The following GRK3 variants were observed in gnomAD, a reference collection of about 807,000 sequenced individuals.
GRK3 encodes adrenergic, beta, receptor kinase 2.
GRK3 carries 54 observed loss-of-function variants against 95.7 expected under a neutral mutation model. That is an observed-to-expected ratio of 0.56 (90% confidence interval 0.45 to 0.71). The LOEUF is 0.71. Among genes scored for constraint, GRK3 ranks in the 30% least tolerant of loss-of-function variants. The pLI is 0.00. For synonymous variants in GRK3, 281 were observed against 290.8 expected, an observed-to-expected ratio of 0.97 and a Z score of 0.34; for missense variants, 649 against 851.2, an observed-to-expected ratio of 0.76 and a Z score of 2.96.
Position 25,723,479 on chromosome 22 carries a change from C to T in GRK3, c.*1029C>T, listed in dbSNP as rs969280250. The stretch of plus-strand genomic sequence containing the variant: ...TAACTGTGTATATTGACTTTCATGT[C>T]GTCATGCATCTGTCATGAATGAATG... On this transcript the variant is annotated 3_prime_UTR_variant, in exon 21 of 21. Transcript: ENST00000324198. 9.9e-5 allele frequency: 15 copies of T among 152,158 alleles called. No individual in the cohort carries two copies. The highest frequency in any genetic ancestry group is 4.6e-4 in the Admixed American group (7 of 15,276). The allele number at this position is 152,158 out of a possible 1,614,324, so 9.4% of individuals were successfully genotyped here. A position where few individuals can be genotyped will look rare whatever the true frequency, so the allele number is the denominator to read the frequency against.
At chr22:25,609,361 T>C (rs2084477743) in intron 2 of GRK3, among the ~76,000 whole-genome samples, 1 of 152,130 alleles carries the variant, frequency 6.6e-6, no homozygotes, top group African/African-American at 2.4e-5. Flanking sequence ...TAAGACAGTC[T>C]TGCCCTGTTG....
intron 2 of GRK3, among the ~76,000 whole-genome samples, chr22:25,607,604 T>C (rs551799068): frequency 1.7e-4 from 26 of 152,062 alleles, no homozygotes; most frequent in African/African-American, 5.8e-4. Context: ...TGGGACAGAG[T>C]CTTGCTCTGT....
Position 25,727,241 on chromosome 22 carries a change from G to A in GRK3, c.*4791G>A, listed in dbSNP as rs764634781. ...TTTTCCCTCCTATGTAAAGTTTACTGGAGAGACTTGAATTACTTAAATTCA... is the reference window on the plus strand; with the variant it reads ...TTTTCCCTCCTATGTAAAGTTTACTAGAGAGACTTGAATTACTTAAATTCA... On this transcript the variant is annotated 3_prime_UTR_variant, in exon 21 of 21. Transcript: ENST00000324198. 6.6e-6 allele frequency: 1 copy of A among 152,120 alleles called. No individual in the cohort carries two copies. Among genetic ancestry groups the A allele is most frequent in the South Asian group, 2.1e-4 (1 of 4,812 alleles). 9.4% of individuals were successfully genotyped at this position (152,120 alleles called of 1,614,324 possible). A position where few individuals can be genotyped will look rare whatever the true frequency, so the allele number is the denominator to read the frequency against.
At chr22:25,670,894 A>C (rs1442846304) in intron 6 of GRK3, among the ~76,000 whole-genome samples, 1 of 149,722 alleles carries the variant, frequency 6.7e-6, no homozygotes, top group Non-Finnish European at 1.5e-5. Context: ...AAAAAAAAAA[A>C]AAAAAAAAAA....
At position 25,721,311 on chromosome 22, in the gene GRK3, C is replaced by A. The variant is rs373371487; in HGVS notation, c.1819C>A (p.Leu607Ile). The change falls in exon 20 of 21, where the codon CTC becomes ATC. Residue 607 changes from leucine to isoleucine, a missense_variant. By Grantham distance (5) the Leu-to-Ile change is conservative. This residue lies in a region of GRK3 where 382 missense variants were observed against 493.8 expected (regional missense o/e 0.77). Coordinates refer to ENST00000324198, the MANE Select transcript of GRK3 (RefSeq NM_005160.4). Reference protein sequence around the residue: ...RQNLLTMEQILSVEETQIKDK... With the variant: ...RQNLLTMEQIISVEETQIKDK... ...AAATTTACTGACAATGGAACAGATT[C>A]TCTCTGTGGAAGAAACTCAAATTAA... The A allele has an allele frequency of 1.3e-6, 2 of 1,595,434 alleles. No homozygotes were observed. The highest frequency in any genetic ancestry group is 1.7e-6 in the Non-Finnish European group (2 of 1,169,450).
At chr22:25,669,398 C>T (rs1333341677) in intron 6 of GRK3, among the ~76,000 whole-genome samples, 1 of 152,210 alleles carries the variant, frequency 6.6e-6, no homozygotes, top group African/African-American at 2.4e-5. Flanking sequence ...GCGCCTCATT[C>T]AGGCAGTGAA....
intron 1 of GRK3, among the ~76,000 whole-genome samples, chr22:25,576,317 T>A (rs1312307537): frequency 6.6e-6 from 1 of 152,190 alleles, no homozygotes; most frequent in Non-Finnish European, 1.5e-5. Flanking sequence ...TTACGCTGGA[T>A]GTCCAGTACC....
rs2085461869 is a variant in GRK3 at position 25,724,838 on chromosome 22, G to C, written c.*2388G>C. 6.6e-6 allele frequency: 1 copy of C among 152,088 alleles called. No homozygotes were observed. Among genetic ancestry groups the C allele is most frequent in the East Asian group, 1.9e-4 (1 of 5,190 alleles). 9.4% of individuals were successfully genotyped at this position (152,088 alleles called of 1,614,324 possible). A position where few individuals can be genotyped will look rare whatever the true frequency, so the allele number is the denominator to read the frequency against. On this transcript the variant is annotated 3_prime_UTR_variant, in exon 21 of 21. Transcript: ENST00000324198. ...AAAGTCAGTTGGATTAAACATCATG[G>C]TATACTTGGCTGTTGTTTTTTTTTA...
chr22:25,688,050 C>G lies in GRK3; in HGVS notation c.957+383C>G, dbSNP rs185944748. Among the ~76,000 whole-genome samples the G allele has an allele frequency of 7.0e-3, 1,062 of 152,216 alleles. 15 individuals carry two copies. Among genetic ancestry groups the G allele is most frequent in the African/African-American group, 0.024 (1,006 of 41,530 alleles). On this transcript the variant is annotated intron_variant, in intron 11 of 20. Transcript: ENST00000324198. The stretch of plus-strand genomic sequence containing the variant: ...AGGAGATCAAGGCCATCCTGGCTAA[C>G]ACAGTGAAACCCCGTCTCTACTAAA...
intron 1 of GRK3, among the ~76,000 whole-genome samples, chr22:25,571,869 A>G (rs1931710596): frequency 6.6e-6 from 1 of 151,860 alleles, no homozygotes; most frequent in East Asian, 1.9e-4. Flanking sequence ...TTTTTTTAAA[A>G]TTATACTTTA....
chr22:25,713,841 A>C lies in GRK3; in HGVS notation c.1492-567A>C, dbSNP rs183567204. 5.3e-4 allele frequency among the ~76,000 whole-genome samples: 80 copies of C among 152,294 alleles called. 1 individual carries two copies. In the East Asian group the frequency reaches 0.013, roughly 24 times the overall value. On this transcript the variant is annotated intron_variant, in intron 17 of 20. Transcript: ENST00000324198. ...TTGCCTGAACTCCCCATATGTCTTGAGATTTCTTATACATATGATTATGAT... is the reference window on the plus strand; with the variant it reads ...TTGCCTGAACTCCCCATATGTCTTGCGATTTCTTATACATATGATTATGAT...
At chr22:25,709,808 C>T (rs1382799316) in intron 15 of GRK3, 90 bp from the exon 16 acceptor site, 18 of 884,636 alleles carry the variant, frequency 2.0e-5, no homozygotes, top group African/African-American at 3.3e-5. Context: ...ATACTTGCTC[C>T]CCTGTATTGT....
At chr22:25,615,682 C>A (rs1371740780) in intron 2 of GRK3, among the ~76,000 whole-genome samples, 1 of 141,826 alleles carries the variant, frequency 7.1e-6, no homozygotes, top group East Asian at 2.0e-4. Context: ...GAAATCCACA[C>A]CCTTATGGAG....
At chr22:25,642,203 C>T (rs1012526794) in intron 2 of GRK3, among the ~76,000 whole-genome samples, 19 of 152,106 alleles carry the variant, frequency 1.2e-4, no homozygotes, top group Admixed American at 9.8e-4. Context: ...GAGGGCAAGG[C>T]GGGTGGATCA....
At chr22:25,715,938 T>A (rs534388492) in intron 18 of GRK3, among the ~76,000 whole-genome samples, 1 of 152,308 alleles carries the variant, frequency 6.6e-6, no homozygotes, top group Non-Finnish European at 1.5e-5. Context: ...CTGCATTCTT[T>A]TAACTCTGTT....
intron 18 of GRK3, among the ~76,000 whole-genome samples, chr22:25,716,836 G>A (rs562636118): frequency 1.3e-5 from 2 of 152,262 alleles, no homozygotes; most frequent in African/African-American, 4.8e-5. Flanking sequence ...AGTGCTGGGC[G>A]AGTGAGCATC....
intron 15 of GRK3, among the ~76,000 whole-genome samples, chr22:25,708,594 T>G (rs1429048225): frequency 2.0e-5 from 3 of 151,748 alleles, no homozygotes; most frequent in Admixed American, 6.6e-5. Context: ...TGTGGAGAGA[T>G]AGAAAGTCAG....
chr22:25,640,471 A>C (rs868173535), intron 2 of GRK3, among the ~76,000 whole-genome samples: 1 of 152,220 alleles, frequency 6.6e-6, no homozygotes, highest in Non-Finnish European at 1.5e-5. Flanking sequence ...CTCTTAGTAG[A>C]TACTCAGTAA....
intron 1 of GRK3, among the ~76,000 whole-genome samples, chr22:25,585,243 G>A (rs1018956783): frequency 6.6e-6 from 1 of 152,294 alleles, no homozygotes; most frequent in Non-Finnish European, 1.5e-5. Flanking sequence ...AGTGGAAGTA[G>A]CATGTTTCAC....
Sources: gnomAD v4.1 joint callset for allele counts (sites outside exome capture counted in the v4.1 genomes callset) on GRCh38, gnomAD v4.1.1 for gene constraint, gnomAD v4.1.1 regional missense constraint, MANE v1.5 for transcripts, NCBI Gene and HGNC (gene_info 2026-07-23, HGNC 2026-07-21) for gene names.